OPALIN: variants seen among roughly 807,000 people sequenced by gnomAD.
OPALIN encodes oligodendrocytic myelin paranodal and inner loop protein, also known as transmembrane protein 10.
OPALIN carries 15 observed loss-of-function variants against 17.8 expected under a neutral mutation model. The ratio of observed to expected loss-of-function variants is 0.84; its 90% CI spans 0.56 to 1.29. The LOEUF is 1.29. Ranked by LOEUF, OPALIN falls within the 50% of genes most tolerant of loss-of-function variation. The probability of loss-of-function intolerance (pLI) is 0.00; values close to 1 mark genes in which losing one functional copy is unlikely to be tolerated. For synonymous variants in OPALIN, 62 were observed against 63.8 expected, an observed-to-expected ratio of 0.97 and a Z score of 0.14; for missense variants, 170 against 176.0, an observed-to-expected ratio of 0.97 and a Z score of 0.19.
intron 2 of OPALIN, among the ~76,000 whole-genome samples, chr10:96,352,821 C>G (rs1303480027): frequency 6.6e-6 from 1 of 152,268 alleles, no homozygotes; most frequent in South Asian, 2.1e-4. Context: ...AGGCACCCTC[C>G]TTTCTCCTTC....
intron 2 of OPALIN, 61 bp from the exon 3 acceptor site, chr10:96,351,471 C>A: frequency 9.5e-7 from 1 of 1,047,270 alleles, no homozygotes; most frequent in Non-Finnish European, 1.4e-6. Flanking sequence ...ATACATTATA[C>A]AAGACAATCT....
chr10:96,352,948 A>G (rs936403767), intron 2 of OPALIN, among the ~76,000 whole-genome samples: 1 of 152,232 alleles, frequency 6.6e-6, no homozygotes, highest in Non-Finnish European at 1.5e-5. Flanking sequence ...AGCTAATGCC[A>G]TGGAGCACTT....
Position 96,345,430 on chromosome 10 carries a change from T to C in OPALIN, c.*511A>G, listed in dbSNP as rs1845272602. On this transcript the variant is annotated 3_prime_UTR_variant, in exon 6 of 6. Coordinates refer to ENST00000371172, the MANE Select transcript of OPALIN (RefSeq NM_033207.5). Reference sequence around the variant, plus strand: ...GACATGATTGAGCCAGGTGCTTCCCTGTGGTCAGGGAATGTGTGGCTCCAC... The same window carrying C: ...GACATGATTGAGCCAGGTGCTTCCCCGTGGTCAGGGAATGTGTGGCTCCAC... The C allele has an allele frequency of 6.5e-6, 1 of 152,826 alleles. No individual in the cohort carries two copies. Among genetic ancestry groups the C allele is most frequent in the Non-Finnish European group, 1.5e-5 (1 of 68,530 alleles). The allele number at this position is 152,826 out of a possible 1,614,324, so 9.5% of individuals were successfully genotyped here.
Position 96,355,061 on chromosome 10 carries a change from C to T in OPALIN, c.39+194G>A, listed in dbSNP as rs902741479. On this transcript the variant is annotated intron_variant, in intron 2 of 5. Transcript: ENST00000371172. The stretch of plus-strand genomic sequence containing the variant: ...GCAGTGAGTCGAGATCATGCCACTG[C>T]ACTCCAGCCTGGGTGACAGAGCAAG... 6.8e-5 allele frequency among the ~76,000 whole-genome samples: 8 copies of T among 117,150 alleles called. 1 individual carries two copies. Among genetic ancestry groups the T allele is most frequent in the African/African-American group, 2.6e-4 (8 of 30,384 alleles). 76.9% of individuals were successfully genotyped at this position (117,150 alleles called of 152,430 possible).
chr10:96,352,897 G>T (rs1187318612), intron 2 of OPALIN, among the ~76,000 whole-genome samples: 2 of 152,152 alleles, frequency 1.3e-5, no homozygotes, highest in African/African-American at 4.8e-5. Context: ...TTTCTCTCCA[G>T]ATGGACTTTT....
chr10:96,355,367 C>A, intron 1 of OPALIN, 77 bp from the exon 2 acceptor site: 1 of 1,356,562 alleles, frequency 7.4e-7, no homozygotes, highest in Non-Finnish European at 1.1e-6. Flanking sequence ...AACTCACTGA[C>A]CCTGGTGGAT....
chr10:96,354,428 A>C (rs1351590456), intron 2 of OPALIN, among the ~76,000 whole-genome samples: 1 of 152,264 alleles, frequency 6.6e-6, no homozygotes, highest in Non-Finnish European at 1.5e-5. Context: ...CATGTATCAC[A>C]AAGTTATTCC....
intron 1 of OPALIN, 145 bp downstream of exon 1, chr10:96,358,749 G>T: frequency 3.3e-6 from 3 of 898,582 alleles, no homozygotes; most frequent in Non-Finnish European, 5.4e-6. Flanking sequence ...TAGGTGAGAA[G>T]TTTAAAAAAT....
Position 96,345,936 on chromosome 10 carries a change from C to G in OPALIN, c.*5G>C. 6.2e-7 allele frequency: 1 copy of G among 1,613,818 alleles called. No individual in the cohort carries two copies. The highest frequency in any genetic ancestry group is 8.5e-7 in the Non-Finnish European group (1 of 1,179,814). On this transcript the variant is annotated 3_prime_UTR_variant, in exon 6 of 6. Coordinates refer to ENST00000371172, the MANE Select transcript of OPALIN (RefSeq NM_033207.5). ...CCAGGTCTGCTGCTCCTTGACTGAGCTGCATCATTCCAGGCTCAGTCTGGG... is the reference window on the plus strand; with the variant it reads ...CCAGGTCTGCTGCTCCTTGACTGAGGTGCATCATTCCAGGCTCAGTCTGGG...
Position 96,355,301 on chromosome 10 carries a change from G to C in OPALIN, c.4-11C>G, listed in dbSNP as rs748386926. 1.2e-6 allele frequency: 2 copies of C among 1,613,476 alleles called. No homozygotes were observed. Among genetic ancestry groups the C allele is most frequent in the Non-Finnish European group, 1.7e-6 (2 of 1,179,730 alleles). On this transcript the variant is annotated splice_polypyrimidine_tract_variant and intron_variant, in intron 1 of 5. Coordinates refer to ENST00000371172, the MANE Select transcript of OPALIN (RefSeq NM_033207.5). ...GTTCAGTGAAAAACTCTGCAAGATA[G>C]AAGTAAACATTAAAGCTCCCAGGGA... is the stretch of plus-strand genomic sequence containing the variant.
In OPALIN at chr10:96,349,780, ACCAGC is replaced by A; in HGVS notation, c.114_118del (p.Leu38PhefsTer22). 6.2e-7 allele frequency: 1 copy of A among 1,613,162 alleles called. No homozygotes were observed. Among genetic ancestry groups the A allele is most frequent in the Non-Finnish European group, 8.5e-7 (1 of 1,179,430 alleles). On this transcript the variant is annotated frameshift_variant, in exon 4 of 6. Coordinates refer to ENST00000371172, the MANE Select transcript of OPALIN (RefSeq NM_033207.5). LOFTEE classifies it high-confidence loss of function. ...TAAAGCCACCAGCAGGGCTGTGGCCACCAGCAATGGTATGCCCGCCGCTAATCCAA... is the reference window on the plus strand; with the variant it reads ...TAAAGCCACCAGCAGGGCTGTGGCCAAATGGTATGCCCGCCGCTAATCCAA...
chr10:96,353,494 A>T (rs1373311116), intron 2 of OPALIN: 1 of 1,455,334 alleles, frequency 6.9e-7, no homozygotes, highest in Non-Finnish European at 9.7e-7. Flanking sequence ...TGCTAAAAAC[A>T]GACAACACCA....
At chr10:96,350,988 C>G (rs1845556527) in intron 3 of OPALIN, among the ~76,000 whole-genome samples, 1 of 152,164 alleles carries the variant, frequency 6.6e-6, no homozygotes, top group Non-Finnish European at 1.5e-5. Context: ...GAGGAATACA[C>G]CCATAAGACC....
chr10:96,347,574 C>T (rs552059379), intron 5 of OPALIN, among the ~76,000 whole-genome samples: 10 of 151,932 alleles, frequency 6.6e-5, no homozygotes, highest in South Asian at 4.2e-4. Flanking sequence ...CAGGTTCAAG[C>T]GATTCTCTTC....
In OPALIN at chr10:96,357,142, C is replaced by T. The variant is rs1025371804; in HGVS notation, c.3+1752G>A. On this transcript the variant is annotated intron_variant, in intron 1 of 5. Coordinates refer to ENST00000371172, the MANE Select transcript of OPALIN (RefSeq NM_033207.5). ...CAGACCAACACGTGCTGCAAGGACA[C>T]TGGATGGTCGCTGCACTGAATGCAG... is the stretch of plus-strand genomic sequence containing the variant. 10 of 984,504 alleles carry T rather than the reference C, an allele frequency of 1.0e-5. No individual in the cohort carries two copies. The African/African-American group carries it at 1.4e-4, about 14-fold the overall frequency. 61.0% of individuals were successfully genotyped at this position (984,504 alleles called of 1,614,324 possible).
At position 96,343,866 on chromosome 10, in the gene OPALIN, A is replaced by G. The variant is rs975577475; in HGVS notation, c.*2075T>C. On this transcript the variant is annotated 3_prime_UTR_variant, in exon 6 of 6. Coordinates refer to ENST00000371172, the MANE Select transcript of OPALIN (RefSeq NM_033207.5). Reference sequence around the variant, plus strand: ...CCTGTGTGAGAAAGGAATATTTTCTAGGATATCTGTGTGGCTCATGGAGCT... The same window carrying G: ...CCTGTGTGAGAAAGGAATATTTTCTGGGATATCTGTGTGGCTCATGGAGCT... The G allele has an allele frequency of 6.6e-6, 1 of 152,238 alleles. No homozygotes were observed. The highest frequency in any genetic ancestry group is 2.4e-5 in the African/African-American group (1 of 41,456). The allele number at this position is 152,238 out of a possible 1,614,324, so 9.4% of individuals were successfully genotyped here.
chr10:96,354,388 T>A (rs1845715990), intron 2 of OPALIN, among the ~76,000 whole-genome samples: 1 of 152,226 alleles, frequency 6.6e-6, no homozygotes, highest in African/African-American at 2.4e-5. Context: ...GGAAATTATC[T>A]TAAATGCAGA....
chr10:96,348,148 C>A, intron 5 of OPALIN, 141 bp downstream of exon 5: 1 of 412,982 alleles, frequency 2.4e-6, no homozygotes. Flanking sequence ...GCACTGAGAA[C>A]CTCCTTTGTG....
rs1393570519 is a variant in OPALIN at position 96,352,411 on chromosome 10, C to G, written c.40-1001G>C. Among the ~76,000 whole-genome samples the G allele has an allele frequency of 4.6e-5, 7 of 152,116 alleles. No individual in the cohort carries two copies. The East Asian group carries it at 1.4e-3, about 29-fold the overall frequency. Reference sequence around the variant, plus strand: ...CAAGGTTTCACAGATAATCATAACTCTAATCTGAACTTGGATGTTTGACTT... The same window carrying G: ...CAAGGTTTCACAGATAATCATAACTGTAATCTGAACTTGGATGTTTGACTT... On this transcript the variant is annotated intron_variant, in intron 2 of 5. Coordinates refer to ENST00000371172, the MANE Select transcript of OPALIN (RefSeq NM_033207.5).
Sources: gnomAD v4.1 joint callset for allele counts (sites outside exome capture counted in the v4.1 genomes callset) on GRCh38, gnomAD v4.1.1 for gene constraint, MANE v1.5 for transcripts, NCBI Gene and HGNC (gene_info 2026-07-23, HGNC 2026-07-21) for gene names.